The following OR6C75 variants were observed in gnomAD, a reference collection of about 807,000 sequenced individuals.
OR6C75 encodes olfactory receptor 6C75.
For synonymous variants in OR6C75, 149 were observed against 130.6 expected (o/e 1.14, Z -0.96); for missense variants, 380 against 368.0 (o/e 1.03, Z -0.27).
chr12:55,365,971 A>G lies in OR6C75; in HGVS notation c.861A>G (p.Ile287Met). Residue 287 changes from isoleucine to methionine, a missense_variant, in exon 3 of 3, where the codon ATA (isoleucine) becomes ATG (methionine). Physicochemically the swap from Ile to Met is conservative, Grantham distance 10. Transcript: ENST00000641576. Reference protein sequence around the residue: ...TSVAPLLNPFIYTLRNKQVKQ... With the variant: ...TSVAPLLNPFMYTLRNKQVKQ... Reference sequence around the variant, plus strand: ...TGGCTCCTCTCTTGAATCCCTTCATATACACACTGAGAAATAAGCAAGTGA... The same window carrying G: ...TGGCTCCTCTCTTGAATCCCTTCATGTACACACTGAGAAATAAGCAAGTGA... 9.9e-6 allele frequency: 16 copies of G among 1,612,672 alleles called. No homozygotes were observed. Among genetic ancestry groups the G allele is most frequent in the Non-Finnish European group, 1.4e-5 (16 of 1,179,250 alleles).
Position 55,365,861 on chromosome 12 carries a change from A to G in OR6C75, c.751A>G (p.Ser251Gly). Residue 251 changes from serine (S) to glycine (G), a missense_variant, in exon 3 of 3, where the codon AGT (serine) becomes GGT (glycine). Transcript: ENST00000641576. ...SHMIVVSISY[S>G]SCIFMYIKTS... Reference sequence around the variant, plus strand: ...TATGATAGTTGTCTCCATCTCTTACAGTAGCTGTATCTTCATGTACATTAA... The same window carrying G: ...TATGATAGTTGTCTCCATCTCTTACGGTAGCTGTATCTTCATGTACATTAA... 1.2e-6 allele frequency: 2 copies of G among 1,613,888 alleles called. No individual in the cohort carries two copies. The highest frequency in any genetic ancestry group is 1.1e-5 in the South Asian group (1 of 91,072).
In OR6C75 at chr12:55,368,028, T is replaced by C. The variant is rs1485723896; in HGVS notation, c.*1979T>C. On this transcript the variant is annotated 3_prime_UTR_variant, in exon 3 of 3. Coordinates refer to ENST00000641576, the MANE Select transcript of OR6C75 (RefSeq NM_001005497.2). ...CTGTCTACACAAAAAAATTTAAAAA[T>C]TAGCTAAGCATGGTAGCATACACCT... is the stretch of plus-strand genomic sequence containing the variant. The C allele has an allele frequency of 6.6e-6, 1 of 151,808 alleles. No individual in the cohort carries two copies. The highest frequency in any genetic ancestry group is 1.5e-5 in the Non-Finnish European group (1 of 68,008). The allele number at this position is 151,808 out of a possible 1,614,324, so 9.4% of individuals were successfully genotyped here. A position where few individuals can be genotyped will look rare whatever the true frequency, so the allele number is the denominator to read the frequency against.
intron 2 of OR6C75, 59 bp from the exon 3 acceptor site, chr12:55,364,817 A>G (rs901185711): frequency 1.3e-4 from 36 of 278,722 alleles, no homozygotes; most frequent in African/African-American, 7.5e-4. Context: ...TATTCATCGT[A>G]CATAACTACA....
chr12:55,366,055 A>T lies in OR6C75; in HGVS notation c.*6A>T. On this transcript the variant is annotated 3_prime_UTR_variant, in exon 3 of 3. Transcript: ENST00000641576. Reference sequence around the variant, plus strand: ...TTTTTTCTTTAAATAAATGAATGTGATTATGTAAAAAATGTACCCCCAAAG... The same window carrying T: ...TTTTTTCTTTAAATAAATGAATGTGTTTATGTAAAAAATGTACCCCCAAAG... 6.5e-7 allele frequency: 1 copy of T among 1,529,612 alleles called. No homozygotes were observed. Among genetic ancestry groups the T allele is most frequent in the Non-Finnish European group, 8.8e-7 (1 of 1,136,294 alleles). 94.8% of individuals were successfully genotyped at this position (1,529,612 alleles called of 1,614,324 possible).
Position 55,366,791 on chromosome 12 carries a change from C to A in OR6C75, c.*742C>A, listed in dbSNP as rs1020980676. On this transcript the variant is annotated 3_prime_UTR_variant, in exon 3 of 3. Transcript: ENST00000641576. ...GCTTTCCTAGAAAAAAAGAGCAAAG[C>A]GTAATCAAAGAGTTGATATTATTTA... The A allele has an allele frequency of 2.0e-5, 3 of 151,984 alleles. No homozygotes were observed. The highest frequency in any genetic ancestry group is 7.2e-5 in the African/African-American group (3 of 41,390). The allele number at this position is 151,984 out of a possible 1,614,324, so 9.4% of individuals were successfully genotyped here.
chr12:55,365,182 A>G lies in OR6C75; in HGVS notation c.72A>G (p.Val24=). The change falls in exon 3 of 3, where the codon GTA becomes GTG. Residue 24 remains valine (V), a synonymous_variant. Transcript: ENST00000641576. ...CAAGTGACCCACAGTGGCAGGTTGT[A>G]CTTTTCATATTTCTTCTTGTTACCT... ...GLTSDPQWQV[V]LFIFLLVTYM... 1 of 1,613,460 alleles carries G rather than the reference A, an allele frequency of 6.2e-7. No homozygotes were observed. Among genetic ancestry groups the G allele is most frequent in the East Asian group, 2.2e-5 (1 of 44,868 alleles).
Position 55,365,724 on chromosome 12 carries a change from T to C in OR6C75, c.614T>C (p.Leu205Pro). 1 of 1,614,156 alleles carries C rather than the reference T, an allele frequency of 6.2e-7. No homozygotes were observed. Among genetic ancestry groups the C allele is most frequent in the East Asian group, 2.2e-5 (1 of 44,884 alleles). Residue 205 changes from leucine to proline, a missense_variant, in exon 3 of 3, where the codon CTG becomes CCG. Coordinates refer to ENST00000641576, the MANE Select transcript of OR6C75 (RefSeq NM_001005497.2). ...GCATTTTTTTTAGCTGTGGTAACAC[T>C]GATGGTCACCTTGACATTAGTTATT... The part of the protein sequence containing the change: ...LMAFFLAVVT[L>P]MVTLTLVILS...
Position 55,365,775 on chromosome 12 carries a change from C to A in OR6C75, c.665C>A (p.Thr222Lys), listed in dbSNP as rs1484333899. The A allele has an allele frequency of 6.2e-7, 1 of 1,613,854 alleles. No homozygotes were observed. The highest frequency in any genetic ancestry group is 1.7e-5 in the Admixed American group (1 of 59,966). Residue 222 changes from threonine (T) to lysine (K), a missense_variant, in exon 3 of 3, where the codon ACA becomes AAA. Transcript: ENST00000641576. ...VILSYTNIIR[T>K]ILKIPSMSQR... is the part of the protein sequence containing the mutation. ...CTCTCCTACACAAACATCATCCGGACAATTCTGAAAATTCCTTCTATGAGT... is the reference window on the plus strand; with the variant it reads ...CTCTCCTACACAAACATCATCCGGAAAATTCTGAAAATTCCTTCTATGAGT...
rs1869708027 is a variant in OR6C75 at position 55,363,059 on chromosome 12, CTT to C, written c.-326+11_-326+12del. On this transcript the variant is annotated intron_variant, in intron 1 of 2. Coordinates refer to ENST00000641576, the MANE Select transcript of OR6C75 (RefSeq NM_001005497.2). ...TTTAAAGCGGCGATAGGTAGGATAT[CTT>C]GAGACTTCAGATCCTTGGTGAAATT... 2 of 152,260 alleles carry C rather than the reference CTT, an allele frequency of 1.3e-5. No homozygotes were observed. The highest frequency in any genetic ancestry group is 4.1e-4 in the South Asian group (2 of 4,830). 9.4% of individuals were successfully genotyped at this position (152,260 alleles called of 1,614,324 possible). A position where few individuals can be genotyped will look rare whatever the true frequency, so the allele number is the denominator to read the frequency against.
chr12:55,365,345 TTCCTTGTCACTGTTGTGAC>T lies in OR6C75; in HGVS notation c.236_254del (p.Phe79Ter). 3.7e-6 allele frequency: 6 copies of T among 1,614,090 alleles called. No homozygotes were observed. Among genetic ancestry groups the T allele is most frequent in the Non-Finnish European group, 5.1e-6 (6 of 1,179,958 alleles). Reference sequence around the variant, plus strand: ...ATTCACGTCTGTCTGCATTCCCAGATTCCTTGTCACTGTTGTGACAGGAAACAGAACCATTTCTTATAAT... The same window carrying T: ...ATTCACGTCTGTCTGCATTCCCAGATAGGAAACAGAACCATTTCTTATAAT... On this transcript the variant is annotated frameshift_variant, in exon 3 of 3. Transcript: ENST00000641576. LOFTEE classifies it low-confidence loss of function (END_TRUNC).
Position 55,368,549 on chromosome 12 carries a change from A to G in OR6C75, c.*2500A>G, listed in dbSNP as rs941912442. The G allele has an allele frequency of 5.3e-5, 8 of 152,138 alleles. No homozygotes were observed. Among genetic ancestry groups the G allele is most frequent in the African/African-American group, 1.9e-4 (8 of 41,422 alleles). The allele number at this position is 152,138 out of a possible 1,614,324, so 9.4% of individuals were successfully genotyped here. On this transcript the variant is annotated 3_prime_UTR_variant, in exon 3 of 3. Transcript: ENST00000641576. ...AGGAGGTGGAGGCTACAGTGAGCCA[A>G]GATTGCACCACTGCACTCCAGCCTG... is the stretch of plus-strand genomic sequence containing the variant.
rs140226182 is a variant in OR6C75, at chr12:55,367,549, A to T, written c.*1500A>T. ...ACAGACCCACAGCCAATATCATAAT[A>T]AACTAGCAAAAGTTGTATGCATTCT... On this transcript the variant is annotated 3_prime_UTR_variant, in exon 3 of 3. Transcript: ENST00000641576. 2 of 152,292 alleles carry T rather than the reference A, an allele frequency of 1.3e-5. No individual in the cohort carries two copies. Among genetic ancestry groups the T allele is most frequent in the African/African-American group, 4.8e-5 (2 of 41,560 alleles). The allele number at this position is 152,292 out of a possible 1,614,324, so 9.4% of individuals were successfully genotyped here.
In OR6C75 at chr12:55,364,857, A is replaced by C; in HGVS notation, c.-235-19A>C. On this transcript the variant is annotated intron_variant, in intron 2 of 2. Coordinates refer to ENST00000641576, the MANE Select transcript of OR6C75 (RefSeq NM_001005497.2). ...TAAACCCTTTGAAGATATTGAATATATATATATGTATTAAATAGATAGATG... is the reference window on the plus strand; with the variant it reads ...TAAACCCTTTGAAGATATTGAATATCTATATATGTATTAAATAGATAGATG... 2 of 401,278 alleles carry C rather than the reference A, an allele frequency of 5.0e-6. No homozygotes were observed. Among genetic ancestry groups the C allele is most frequent in the South Asian group, 3.8e-5 (1 of 26,090 alleles). 24.9% of individuals were successfully genotyped at this position (401,278 alleles called of 1,614,324 possible). A position where few individuals can be genotyped will look rare whatever the true frequency, so the allele number is the denominator to read the frequency against.
At position 55,368,883 on chromosome 12, in the gene OR6C75, CAG is replaced by C. The variant is rs1378705838; in HGVS notation, c.*2836_*2837del. 6.6e-6 allele frequency: 1 copy of C among 151,842 alleles called. No individual in the cohort carries two copies. The highest frequency in any genetic ancestry group is 1.5e-5 in the Non-Finnish European group (1 of 67,974). The allele number at this position is 151,842 out of a possible 1,614,324, so 9.4% of individuals were successfully genotyped here. Reference sequence around the variant, plus strand: ...TGGAATGGCATACTTTTTTTTAAAACAGATTATAATATAATATCATCACAAAA... The same window carrying C: ...TGGAATGGCATACTTTTTTTTAAAACATTATAATATAATATCATCACAAAA... On this transcript the variant is annotated 3_prime_UTR_variant, in exon 3 of 3. Transcript: ENST00000641576.
Position 55,365,039 on chromosome 12 carries a change from G to C in OR6C75, c.-72G>C. ...AAAAAAATAATAATTTTCTTTACTG[G>C]TGTCATAGTTTTCTGGTTTCTTCAC... On this transcript the variant is annotated 5_prime_UTR_variant, in exon 3 of 3. Transcript: ENST00000641576. 1 of 949,752 alleles carries C rather than the reference G, an allele frequency of 1.1e-6. No homozygotes were observed. Among genetic ancestry groups the C allele is most frequent in the Non-Finnish European group, 1.6e-6 (1 of 620,484 alleles). The allele number at this position is 949,752 out of a possible 1,614,324, so 58.8% of individuals were successfully genotyped here.
Position 55,366,026 on chromosome 12 carries a change from A to T in OR6C75, c.916A>T (p.Met306Leu). The change falls in exon 3 of 3, where the codon ATG becomes TTG. Residue 306 changes from methionine to leucine, a missense_variant. Physicochemically the swap from Met to Leu is conservative, Grantham distance 15. Coordinates refer to ENST00000641576, the MANE Select transcript of OR6C75 (RefSeq NM_001005497.2). ...KQAFKSMVQK[M>L]IFSLNK ...AGCCTTCAAGAGCATGGTCCAGAAG[A>T]TGATTTTTTCTTTAAATAAATGAAT... 2 of 1,570,938 alleles carry T rather than the reference A, an allele frequency of 1.3e-6. No homozygotes were observed. The highest frequency in any genetic ancestry group is 1.2e-5 in the South Asian group (1 of 84,612).
In OR6C75 at chr12:55,365,506, C is replaced by A; in HGVS notation, c.396C>A (p.Ile132=). 6.2e-7 allele frequency: 1 copy of A among 1,614,078 alleles called. No individual in the cohort carries two copies. Among genetic ancestry groups the A allele is most frequent in the Non-Finnish European group, 8.5e-7 (1 of 1,180,008 alleles). ...MAICKPLHYT[I]IMSTRVCTLL... ...TCTGCAAACCTCTTCATTACACAAT[C>A]ATCATGAGCACCAGAGTGTGTACCC... The change falls in exon 3 of 3, where the codon ATC becomes ATA. Residue 132 remains isoleucine, a synonymous_variant. Transcript: ENST00000641576.
intron 1 of OR6C75, among the ~76,000 whole-genome samples, chr12:55,363,260 G>C (rs1306449565): frequency 6.6e-6 from 1 of 152,054 alleles, no homozygotes; most frequent in Non-Finnish European, 1.5e-5. Flanking sequence ...TTATGTTTAA[G>C]CAATGAATAA....
Position 55,365,359 on chromosome 12 carries a change from T to C in OR6C75, c.249T>C (p.Val83=). 6.2e-7 allele frequency: 1 copy of C among 1,613,642 alleles called. No individual in the cohort carries two copies. The highest frequency in any genetic ancestry group is 8.5e-7 in the Non-Finnish European group (1 of 1,179,532). Residue 83 remains valine (V), a synonymous_variant, in exon 3 of 3, where the codon GTT becomes GTC. Transcript: ENST00000641576. The part of the protein sequence containing the change: ...SVCIPRFLVT[V]VTGNRTISYN... ...GCATTCCCAGATTCCTTGTCACTGT[T>C]GTGACAGGAAACAGAACCATTTCTT...
Sources: allele counts gnomAD v4.1 joint callset (sites outside exome capture counted in the v4.1 genomes callset), GRCh38; gene constraint gnomAD v4.1.1; transcripts MANE v1.5; gene names NCBI Gene and HGNC (gene_info 2026-07-23, HGNC 2026-07-21).